Variants in GLIS2 observed in about 807,000 individuals in gnomAD.
GLIS2 encodes zinc finger protein GLIS2.
Under a neutral mutation model 35.6 loss-of-function variants are expected in GLIS2, and 14 were observed. That is an observed-to-expected ratio of 0.39 (90% CI 0.26 to 0.61). The LOEUF (loss-of-function observed/expected upper bound fraction) is 0.61, where lower values mean the gene tolerates loss of function less well. Among genes scored for constraint, GLIS2 ranks in the 20% least tolerant of loss-of-function variants. The probability of loss-of-function intolerance (pLI) is 0.48; values close to 1 mark genes in which losing one functional copy is unlikely to be tolerated. For synonymous variants in GLIS2, 368 were observed against 325.1 expected (o/e 1.13, Z -1.42); for missense variants, 675 against 713.4 (o/e 0.95, Z 0.61).
rs1368710491 is a variant in GLIS2 at position 4,332,386 on chromosome 16, C to CTGCACAGGG, written c.107_115dup (p.Arg38_Glu39insValHisArg). On this transcript the variant is annotated inframe_insertion, in exon 2 of 7. Coordinates refer to ENST00000433375, the MANE Select transcript of GLIS2 (RefSeq NM_032575.3). This position sits in a 1 kb window ranked among gnomAD's most constrained non-coding sequence, Gnocchi z 5.4. Reference sequence around the variant, plus strand: ...GCTGGGTGTGGTCCGGCCCCGTGCTCTGCACAGGGAGCTGGGCCTGGTGGA... The same window carrying CTGCACAGGG: ...GCTGGGTGTGGTCCGGCCCCGTGCTCTGCACAGGGTGCACAGGGAGCTGGGCCTGGTGGA... The CTGCACAGGG allele has an allele frequency of 6.2e-7, 1 of 1,612,878 alleles. No homozygotes were observed. Among genetic ancestry groups the CTGCACAGGG allele is most frequent in the Admixed American group, 1.7e-5 (1 of 59,998 alleles).
chr16:4,334,887 G>T lies in GLIS2; in HGVS notation c.432G>T (p.Leu144=). The change falls in exon 4 of 7, where the codon CTG becomes CTT. Residue 144 remains leucine, a synonymous_variant. Coordinates refer to ENST00000433375, the MANE Select transcript of GLIS2 (RefSeq NM_032575.3). ...TCGGCTCCGGGGGGGCCCTGCACCTGCCTGCCTCCTCCTTCCTTACCCCTC... is the reference window on the plus strand; with the variant it reads ...TCGGCTCCGGGGGGGCCCTGCACCTTCCTGCCTCCTCCTTCCTTACCCCTC... ...LPLGSGGALH[L]PASSFLTPPK... is the part of the protein sequence containing the mutation. The T allele has an allele frequency of 6.2e-7, 1 of 1,613,132 alleles. No individual in the cohort carries two copies. Among genetic ancestry groups the T allele is most frequent in the South Asian group, 1.1e-5 (1 of 91,074 alleles).
At chr16:4,319,979 C>T (rs1405943228) in intron 1 of GLIS2, among the ~76,000 whole-genome samples, 2 of 151,790 alleles carry the variant, frequency 1.3e-5, no homozygotes, top group African/African-American at 4.8e-5. Flanking sequence ...GGGGTGGGGG[C>T]TTCCCATCTG....
chr16:4,337,401 A>T lies in GLIS2; in HGVS notation c.1452A>T (p.Pro484=). The T allele has an allele frequency of 1.3e-6, 2 of 1,591,412 alleles. No individual in the cohort carries two copies. Among genetic ancestry groups the T allele is most frequent in the Non-Finnish European group, 1.7e-6 (2 of 1,170,478 alleles). The part of the protein sequence containing the change: ...RPSPDGLPLL[P]GTVLDLSTGV... ...GCCCCGATGGACTCCCCCTGCTGCC[A>T]GGCACCGTGCTGGACCTGTCCACGG... Residue 484 remains proline (P), a synonymous_variant, in exon 7 of 7, where the codon CCA becomes CCT. Coordinates refer to ENST00000433375, the MANE Select transcript of GLIS2 (RefSeq NM_032575.3).
Position 4,335,450 on chromosome 16 carries a change from G to A in GLIS2, c.775+57G>A, listed in dbSNP as rs565857654. 1.5e-5 allele frequency: 22 copies of A among 1,492,436 alleles called. No homozygotes were observed. In the South Asian group the frequency reaches 1.6e-4, roughly 11 times the overall value. 92.4% of individuals were successfully genotyped at this position (1,492,436 alleles called of 1,614,324 possible). A position where few individuals can be genotyped will look rare whatever the true frequency, so the allele number is the denominator to read the frequency against. On this transcript the variant is annotated intron_variant, in intron 6 of 6. Transcript: ENST00000433375. The surrounding 1 kb of genome is among the most constrained non-coding windows in gnomAD (Gnocchi z 4.6). ...TGAAGGGGGCGCTCAGCTGAGACCG[G>A]CTGGGCAGGTCCCCAGGGGGAGGGG...
At chr16:4,329,921 A>G (rs766281498) in intron 1 of GLIS2, among the ~76,000 whole-genome samples, 4 of 152,226 alleles carry the variant, frequency 2.6e-5, no homozygotes, top group Admixed American at 6.5e-5. Context: ...GTTTGGGTTT[A>G]GAATGAAGTG....
chr16:4,328,769 G>C (rs2053465435), intron 1 of GLIS2, among the ~76,000 whole-genome samples: 1 of 152,198 alleles, frequency 6.6e-6, no homozygotes, highest in South Asian at 2.1e-4. Context: ...GGGGAGACAG[G>C]CTCCTCCTGG....
intron 1 of GLIS2, chr16:4,331,789 AT>A (rs912231980): frequency 2.2e-3 from 431 of 193,202 alleles, no homozygotes; most frequent in South Asian, 4.1e-3. Context: ...AAAAAAGAAA[AT>A]TTTTTTTTTT....
chr16:4,320,311 G>A lies in GLIS2; in HGVS notation c.-67+4057G>A, dbSNP rs955180169. Among the ~76,000 whole-genome samples, 30 of 152,098 alleles carry A rather than the reference G, an allele frequency of 2.0e-4. No homozygotes were observed. Among genetic ancestry groups the A allele is most frequent in the Non-Finnish European group, 3.4e-4 (23 of 67,996 alleles). The stretch of plus-strand genomic sequence containing the variant: ...AGTCAGCCCCCGGCCGGGAGCCTCC[G>A]GAAAACAGTCCTGCCCGTCACATGG... On this transcript the variant is annotated intron_variant, in intron 1 of 6. Coordinates refer to ENST00000433375, the MANE Select transcript of GLIS2 (RefSeq NM_032575.3). This position sits in a 1 kb window ranked among gnomAD's most constrained non-coding sequence, Gnocchi z 5.6.
intron 1 of GLIS2, among the ~76,000 whole-genome samples, chr16:4,327,637 G>A (rs2053447687): frequency 6.6e-6 from 1 of 152,048 alleles, no homozygotes; most frequent in African/African-American, 2.4e-5. Flanking sequence ...GCACACAATA[G>A]CAGCCATTGT....
In GLIS2 at chr16:4,337,718, T is replaced by A; in HGVS notation, c.*194T>A. 1.3e-6 allele frequency: 1 copy of A among 747,452 alleles called. No homozygotes were observed. Among genetic ancestry groups the A allele is most frequent in the Non-Finnish European group, 2.2e-6 (1 of 447,024 alleles). The allele number at this position is 747,452 out of a possible 1,614,324, so 46.3% of individuals were successfully genotyped here. ...CCCCGGGTGGGGACCTGGCCTGTCA[T>A]GCAGGGAGAGCTGTGCTCCTGGGTG... On this transcript the variant is annotated 3_prime_UTR_variant, in exon 7 of 7. Coordinates refer to ENST00000433375, the MANE Select transcript of GLIS2 (RefSeq NM_032575.3).
In GLIS2 at chr16:4,337,570, A is replaced by T; in HGVS notation, c.*46A>T. 1 of 1,536,848 alleles carries T rather than the reference A, an allele frequency of 6.5e-7. No individual in the cohort carries two copies. On this transcript the variant is annotated 3_prime_UTR_variant, in exon 7 of 7. Transcript: ENST00000433375. Reference sequence around the variant, plus strand: ...TGGTGCCCCCCCGGCAGCTCCCGGCACTGCCCCCGACGAACGGAAACTCTT... The same window carrying T: ...TGGTGCCCCCCCGGCAGCTCCCGGCTCTGCCCCCGACGAACGGAAACTCTT...
chr16:4,322,574 T>A (rs2053389192), intron 1 of GLIS2, among the ~76,000 whole-genome samples: 1 of 152,094 alleles, frequency 6.6e-6, no homozygotes, highest in African/African-American at 2.4e-5. Context: ...CTTCACCCCA[T>A]ATCCATGAGG....
At chr16:4,333,275 T>C in intron 2 of GLIS2, 72 bp from the exon 3 acceptor site, 1 of 1,561,538 alleles carries the variant, frequency 6.4e-7, no homozygotes. Context: ...ACAGTGGGGG[T>C]TCGGAGGCAG....
Position 4,338,922 on chromosome 16 carries a change from C to T in GLIS2, c.*1398C>T, listed in dbSNP as rs2053593192. The T allele has an allele frequency of 6.6e-6, 1 of 152,398 alleles. No individual in the cohort carries two copies. Among genetic ancestry groups the T allele is most frequent in the Non-Finnish European group, 1.5e-5 (1 of 68,140 alleles). 9.4% of individuals were successfully genotyped at this position (152,398 alleles called of 1,614,324 possible). ...TGGGAGTTCTGGCTTCTAGGCCTGC[C>T]CTGTCACCAGGCCTCTGAGTGGCCA... On this transcript the variant is annotated 3_prime_UTR_variant, in exon 7 of 7. Transcript: ENST00000433375.
In GLIS2 at chr16:4,330,042, C is replaced by T. The variant is rs552219678; in HGVS notation, c.-66-2173C>T. Among the ~76,000 whole-genome samples, 19 of 151,844 alleles carry T rather than the reference C, an allele frequency of 1.3e-4. No homozygotes were observed. The South Asian group carries it at 3.1e-3, about 25-fold the overall frequency. On this transcript the variant is annotated intron_variant, in intron 1 of 6. Transcript: ENST00000433375. The stretch of plus-strand genomic sequence containing the variant: ...CTGTAATCACAGCACTTTGGGAGGC[C>T]GAGGTGGGCAGATCACCTGAGGTCA...
rs1472678633 is a variant in GLIS2 at position 4,336,988 on chromosome 16, T to C, written c.1039T>C (p.Tyr347His). 4 of 1,608,432 alleles carry C rather than the reference T, an allele frequency of 2.5e-6. No individual in the cohort carries two copies. Among genetic ancestry groups the C allele is most frequent in the Non-Finnish European group, 3.4e-6 (4 of 1,178,782 alleles). Reference protein sequence around the residue: ...PPLPAPDGGPYVSGAQIIIPN... With the variant: ...PPLPAPDGGPHVSGAQIIIPN... ...ACTGCCCGCCCCCGACGGCGGCCCC[T>C]ATGTCAGTGGGGCCCAGATCATCAT... Residue 347 changes from tyrosine to histidine, a missense_variant, in exon 7 of 7, where the codon TAT (tyrosine) becomes CAT (histidine). Tyr to His is a moderately conservative substitution (Grantham distance 83). Coordinates refer to ENST00000433375, the MANE Select transcript of GLIS2 (RefSeq NM_032575.3).
chr16:4,325,709 C>T (rs2053422802), intron 1 of GLIS2, among the ~76,000 whole-genome samples: 1 of 151,874 alleles, frequency 6.6e-6, no homozygotes, highest in Non-Finnish European at 1.5e-5. Flanking sequence ...AGGAGGATGG[C>T]TTGAGTCCAG....
rs941110685 is a variant in GLIS2, at chr16:4,334,839, C to A, written c.384C>A (p.Ser128Arg). Residue 128 changes from serine (S) to arginine (R), a missense_variant, in exon 4 of 7, where the codon AGC becomes AGA. Ser to Arg is a moderately radical substitution (Grantham distance 110). This residue lies in a region of GLIS2 where 225 missense variants were observed against 238.7 expected (regional missense o/e 0.94). Transcript: ENST00000433375. Reference protein sequence around the residue: ...QPLRYLDGVPSSFQFFLPLGS... With the variant: ...QPLRYLDGVPRSFQFFLPLGS... ...TGCGCTATTTGGATGGTGTCCCCAG[C>A]TCCTTCCAGTTCTTCCTGCCCCTCG... is the stretch of plus-strand genomic sequence containing the variant. The A allele has an allele frequency of 6.2e-7, 1 of 1,613,354 alleles. No homozygotes were observed. The highest frequency in any genetic ancestry group is 2.2e-5 in the East Asian group (1 of 44,870).
chr16:4,333,474 C>T lies in GLIS2; in HGVS notation c.300C>T (p.Pro100=), dbSNP rs779903743. The T allele has an allele frequency of 1.1e-5, 18 of 1,612,298 alleles. No homozygotes were observed. Among genetic ancestry groups the T allele is most frequent in the South Asian group, 4.4e-5 (4 of 91,074 alleles). ...DSPNGSSSLS[P]ERQGNGDLPP... ...CCAATGGCAGCAGCTCGCTGTCCCC[C>T]GAGCGCCAGGGCAACGGGGACCTGC... is the stretch of plus-strand genomic sequence containing the variant. Residue 100 remains proline, a synonymous_variant, in exon 3 of 7, where the codon CCC becomes CCT. Transcript: ENST00000433375.
Sources: gnomAD v4.1 joint callset for allele counts (sites outside exome capture counted in the v4.1 genomes callset) on GRCh38, gnomAD v4.1.1 for gene constraint, gnomAD v4.1.1 regional missense constraint, Gnocchi (gnomAD v3.1) non-coding constraint, MANE v1.5 for transcripts, NCBI Gene and HGNC (gene_info 2026-07-23, HGNC 2026-07-21) for gene names.